Variants in EBF3 observed in about 807,000 individuals in gnomAD.
EBF3 encodes transcription factor COE3.
In EBF3, 18 loss-of-function variants were observed where a neutral mutation model predicts 77.1. The observed-to-expected ratio is 0.23, with a 90% confidence interval of 0.16 to 0.35. EBF3 has a LOEUF of 0.35. Ranked by LOEUF, EBF3 falls within the 10% of genes least tolerant of loss-of-function variation. EBF3 has a pLI of 1.00. For missense variants in EBF3, 558 were observed against 860.0 expected (o/e 0.65, Z 4.39); for synonymous variants, 350 against 343.5 (o/e 1.02, Z -0.21).
chr10:129,922,038 T>C (rs945246113), intron 6 of EBF3, among the ~76,000 whole-genome samples: 3 of 152,194 alleles, frequency 2.0e-5, no homozygotes, highest in Non-Finnish European at 4.4e-5. Context: ...CAGAGTAGCA[T>C]AGGCTCATGA....
At chr10:129,884,377 G>T (rs572474796) in intron 6 of EBF3, among the ~76,000 whole-genome samples, 1 of 152,274 alleles carries the variant, frequency 6.6e-6, no homozygotes, top group East Asian at 1.9e-4. Context: ...TCCAAAATGC[G>T]AGGGTCTTAA....
chr10:129,843,366 G>T (rs966973952), intron 11 of EBF3, 164 bp from the exon 12 acceptor site: 1 of 635,384 alleles, frequency 1.6e-6, no homozygotes, highest in African/African-American at 1.8e-5. Context: ...AGGAAGGCAC[G>T]TGCGTGCTGA....
chr10:129,914,146 G>A (rs1414882428), intron 6 of EBF3, among the ~76,000 whole-genome samples: 2 of 152,228 alleles, frequency 1.3e-5, no homozygotes, highest in Admixed American at 1.3e-4. Flanking sequence ...GAACCAAAGA[G>A]GACTCCAGGG....
chr10:129,876,364 A>G (rs1348907258), intron 7 of EBF3, among the ~76,000 whole-genome samples: 2 of 152,244 alleles, frequency 1.3e-5, no homozygotes, highest in African/African-American at 4.8e-5. Context: ...AAGAGGACAC[A>G]GCCCCTCAGC....
chr10:129,865,172 C>T (rs1172708098), intron 10 of EBF3, among the ~76,000 whole-genome samples: 7 of 152,208 alleles, frequency 4.6e-5, no homozygotes, highest in Non-Finnish European at 1.0e-4. Context: ...CTTCAGCACA[C>T]ACCGGCAAGG....
At position 129,959,048 on chromosome 10, in the gene EBF3, C is replaced by A. The variant is rs112529100; in HGVS notation, c.412-41G>T. 89 of 1,595,270 alleles carry A rather than the reference C, an allele frequency of 5.6e-5. No individual in the cohort carries two copies. The African/African-American group carries it at 9.0e-4, about 16-fold the overall frequency. On this transcript the variant is annotated intron_variant, in intron 4 of 16. Transcript: ENST00000440978. ...GCAGAGGCTGGGGTTACGCGGCGCC[C>A]GCGGCTTTGGCGCCAAATCGCCCCG...
At chr10:129,843,351 C>T (rs1194710691) in intron 11 of EBF3, 149 bp from the exon 12 acceptor site, 4 of 741,120 alleles carry the variant, frequency 5.4e-6, no homozygotes, top group Admixed American at 2.4e-5. Context: ...AAGGCAGGCA[C>T]AGACAGGAAG....
intron 6 of EBF3, among the ~76,000 whole-genome samples, chr10:129,901,972 T>A (rs566103759): frequency 6.6e-6 from 1 of 152,350 alleles, no homozygotes; most frequent in African/African-American, 2.4e-5. Context: ...CTTTACAGCG[T>A]CTACCTGTAA....
At chr10:129,911,250 G>C (rs1478704532) in intron 6 of EBF3, among the ~76,000 whole-genome samples, 1 of 152,234 alleles carries the variant, frequency 6.6e-6, no homozygotes, top group Non-Finnish European at 1.5e-5. Flanking sequence ...TAAGGTCACA[G>C]GGATACTTCT....
At chr10:129,843,279 C>T (rs1850220935) in intron 11 of EBF3, 77 bp from the exon 12 acceptor site, 1 of 1,489,224 alleles carries the variant, frequency 6.7e-7, no homozygotes, top group African/African-American at 1.4e-5. Flanking sequence ...CCAGTTCCGT[C>T]TGCGGGTGTG....
intron 10 of EBF3, among the ~76,000 whole-genome samples, chr10:129,856,257 T>G: frequency 6.6e-6 from 1 of 152,164 alleles, no homozygotes; most frequent in Non-Finnish European, 1.5e-5. Context: ...AAAGTGAATG[T>G]CATGTTTCCA....
At chr10:129,949,500 C>T (rs1858496817) in intron 6 of EBF3, among the ~76,000 whole-genome samples, 1 of 152,184 alleles carries the variant, frequency 6.6e-6, no homozygotes, top group African/African-American at 2.4e-5. Flanking sequence ...AGTGATGGGA[C>T]TCGTGGGGGA....
In EBF3 at chr10:129,885,240, G is replaced by C. The variant is rs757962117; in HGVS notation, c.555-7391C>G. The stretch of plus-strand genomic sequence containing the variant: ...TGGGATTTAATGGCTTTGCCGGCCA[G>C]TTCAATATCCCCTTCCAGAACAGAT... On this transcript the variant is annotated intron_variant, in intron 6 of 16. Transcript: ENST00000440978. This position sits in a 1 kb window ranked among gnomAD's most constrained non-coding sequence, Gnocchi z 4.0. Among the ~76,000 whole-genome samples the C allele has an allele frequency of 9.9e-5, 15 of 152,180 alleles. No individual in the cohort carries two copies. The highest frequency in any genetic ancestry group is 2.1e-4 in the Non-Finnish European group (14 of 68,036).
rs1461279713 is a variant in EBF3 at position 129,841,060 on chromosome 10, A to G, written c.1373-28T>C. The stretch of plus-strand genomic sequence containing the variant: ...GTTGAAATCCCCCCCCCGGCCAAAA[A>G]TAACATTATTATCAGCGACAGACAC... On this transcript the variant is annotated intron_variant, in intron 13 of 16. Coordinates refer to ENST00000440978, the MANE Select transcript of EBF3 (RefSeq NM_001375380.1). This position sits in a 1 kb window ranked among gnomAD's most constrained non-coding sequence, Gnocchi z 4.6. The G allele has an allele frequency of 3.8e-6, 6 of 1,593,506 alleles. No homozygotes were observed. Among genetic ancestry groups the G allele is most frequent in the South Asian group, 1.1e-5 (1 of 90,074 alleles).
rs1239972786 is a variant in EBF3 at position 129,841,081 on chromosome 10, G to A, written c.1373-49C>T. 2 of 1,595,244 alleles carry A rather than the reference G, an allele frequency of 1.3e-6. No individual in the cohort carries two copies. The highest frequency in any genetic ancestry group is 1.7e-6 in the Non-Finnish European group (2 of 1,171,662). On this transcript the variant is annotated intron_variant, in intron 13 of 16. Coordinates refer to ENST00000440978, the MANE Select transcript of EBF3 (RefSeq NM_001375380.1). This position sits in a 1 kb window ranked among gnomAD's most constrained non-coding sequence, Gnocchi z 4.6. ...AAAAATAACATTATTATCAGCGACAGACACTTGGGGGGGGTTCCCCGAGAA... is the reference window on the plus strand; with the variant it reads ...AAAAATAACATTATTATCAGCGACAAACACTTGGGGGGGGTTCCCCGAGAA...
In EBF3 at chr10:129,842,851, C is replaced by T. The variant is rs11814258; in HGVS notation, c.1194+286G>A. Reference sequence around the variant, plus strand: ...CCATCCAGCCCTCCCTGGTTCCCAGCGGCACCAACACCGTCCACCCGCCAC... The same window carrying T: ...CCATCCAGCCCTCCCTGGTTCCCAGTGGCACCAACACCGTCCACCCGCCAC... On this transcript the variant is annotated intron_variant, in intron 12 of 16. Coordinates refer to ENST00000440978, the MANE Select transcript of EBF3 (RefSeq NM_001375380.1). The surrounding 1 kb of genome is among the most constrained non-coding windows in gnomAD (Gnocchi z 4.4). Among the ~76,000 whole-genome samples, 433 of 151,960 alleles carry T rather than the reference C, an allele frequency of 2.8e-3. 4 individuals carry two copies. Among genetic ancestry groups the T allele is most frequent in the African/African-American group, 9.7e-3 (403 of 41,432 alleles).
chr10:129,893,662 G>A (rs915293956), intron 6 of EBF3, among the ~76,000 whole-genome samples: 1 of 152,160 alleles, frequency 6.6e-6, no homozygotes, highest in African/African-American at 2.4e-5. Flanking sequence ...ACTTCCTGAC[G>A]CCGGGAACGA....
At chr10:129,958,155 T>C (rs535932251) in intron 5 of EBF3, among the ~76,000 whole-genome samples, 2 of 152,224 alleles carry the variant, frequency 1.3e-5, no homozygotes, top group Non-Finnish European at 1.5e-5. Flanking sequence ...AGTCAGCTTT[T>C]GTATATTAGT....
chr10:129,859,163 T>C (rs1851449358), intron 10 of EBF3, among the ~76,000 whole-genome samples: 1 of 152,248 alleles, frequency 6.6e-6, no homozygotes, highest in Non-Finnish European at 1.5e-5. Flanking sequence ...TTCTATTTGT[T>C]GTTGTGGCTT....
Sources: gnomAD v4.1 joint callset for allele counts (sites outside exome capture counted in the v4.1 genomes callset) on GRCh38, gnomAD v4.1.1 for gene constraint, Gnocchi (gnomAD v3.1) non-coding constraint, MANE v1.5 for transcripts, NCBI Gene and HGNC (gene_info 2026-07-23, HGNC 2026-07-21) for gene names.